NIN: variants seen among roughly 807,000 people sequenced by gnomAD.
NIN encodes ninein, also known as glycogen synthase kinase 3 beta-interacting protein.
In NIN, 137 loss-of-function variants were observed where a neutral mutation model predicts 257.6. The ratio of observed to expected loss-of-function variants is 0.53; its 90% CI spans 0.46 to 0.61. The LOEUF (loss-of-function observed/expected upper bound fraction) is 0.61. NIN is among the 20% of genes least tolerant of loss of function. The pLI, the probability that NIN is intolerant of heterozygous loss-of-function variation, is 0.00. For synonymous variants in NIN, 918 were observed against 919.8 expected (o/e 1.00, Z 0.04); for missense variants, 2,439 against 2,501.2 (o/e 0.98, Z 0.53).
intron 2 of NIN, among the ~76,000 whole-genome samples, chr14:50,827,573 C>T (rs1356641666): frequency 1.5e-5 from 2 of 134,644 alleles, no homozygotes; most frequent in Non-Finnish European, 3.1e-5. Context: ...CGTTGAAACC[C>T]TGTCTCTACT....
At position 50,722,357 on chromosome 14, in the gene NIN, A is replaced by G; in HGVS notation, c.*1106T>C. On this transcript the variant is annotated 3_prime_UTR_variant, in exon 31 of 31. Coordinates refer to ENST00000530997, the MANE Select transcript of NIN (RefSeq NM_020921.4). ...CAGAAAATTTTGACCTATATTAAAT[A>G]AACTCTTCTATAAGTCAGGTTTTTA... 4.7e-6 allele frequency: 1 copy of G among 214,678 alleles called. No individual in the cohort carries two copies. Among genetic ancestry groups the G allele is most frequent in the Non-Finnish European group, 9.4e-6 (1 of 106,152 alleles). 13.3% of individuals were successfully genotyped at this position (214,678 alleles called of 1,614,324 possible). A position where few individuals can be genotyped will look rare whatever the true frequency, so the allele number is the denominator to read the frequency against.
intron 5 of NIN, among the ~76,000 whole-genome samples, chr14:50,789,106 C>G (rs2043467198): frequency 6.6e-6 from 1 of 152,158 alleles, no homozygotes; most frequent in Non-Finnish European, 1.5e-5. Context: ...CTTATTACTC[C>G]TTATGAAATA....
At chr14:50,731,098 T>C (rs1036247015) in intron 28 of NIN, 4 of 355,918 alleles carry the variant, frequency 1.1e-5, no homozygotes, top group South Asian at 4.6e-5. Flanking sequence ...ATTATATACA[T>C]GAATAAGAGC....
intron 4 of NIN, among the ~76,000 whole-genome samples, chr14:50,803,982 G>A (rs1298659098): frequency 1.3e-5 from 2 of 149,764 alleles, no homozygotes; most frequent in Admixed American, 6.7e-5. Context: ...TGCAACCTCC[G>A]CCTCCTGGAT....
rs1318688285 is a variant in NIN at position 50,748,022 on chromosome 14, A to G, written c.5034T>C (p.Leu1678=). 6.2e-7 allele frequency: 1 copy of G among 1,613,612 alleles called. No individual in the cohort carries two copies. The highest frequency in any genetic ancestry group is 8.5e-7 in the Non-Finnish European group (1 of 1,179,512). The part of the protein sequence containing the change: ...QTHIVQQENH[L]LKDELEKMKQ... ...TCATTTTCTCCAGTTCATCTTTGAG[A>G]AGGTGGTTTTCCTGTTGCACAATAT... Residue 1678 remains leucine (L), a synonymous_variant, in exon 22 of 31, where the codon CTT becomes CTC. Coordinates refer to ENST00000530997, the MANE Select transcript of NIN (RefSeq NM_020921.4).
At position 50,754,563 on chromosome 14, in the gene NIN, C is replaced by T. The variant is rs1052004263; in HGVS notation, c.4734G>A (p.Gln1578=). ...TGAGAAATATTAAGTATTTCCTTACCTGTTTCTTTAAATTTTCAACCATCT... is the reference window on the plus strand; with the variant it reads ...TGAGAAATATTAAGTATTTCCTTACTTGTTTCTTTAAATTTTCAACCATCT... The part of the protein sequence containing the change: ...VQKMVENLKK[Q]ISELKIKNQQ... The change falls in exon 20 of 31, where the codon CAG becomes CAA. Residue 1578 remains glutamine, a splice_region_variant and synonymous_variant. Coordinates refer to ENST00000530997, the MANE Select transcript of NIN (RefSeq NM_020921.4). 2.5e-6 allele frequency: 4 copies of T among 1,598,636 alleles called. No individual in the cohort carries two copies. The highest frequency in any genetic ancestry group is 3.4e-6 in the Non-Finnish European group (4 of 1,173,964).
intron 12 of NIN, among the ~76,000 whole-genome samples, chr14:50,767,613 C>A (rs61985510): frequency 2.0e-5 from 3 of 151,928 alleles, no homozygotes; most frequent in Non-Finnish European, 4.4e-5. Context: ...GTCAGGAGAT[C>A]GAGACCATCC....
intron 26 of NIN, among the ~76,000 whole-genome samples, chr14:50,738,944 G>A (rs753387771): frequency 5.3e-5 from 8 of 151,958 alleles, no homozygotes; most frequent in Non-Finnish European, 1.2e-4. Context: ...TTTTTCTCTC[G>A]TGAGGAGTTA....
intron 16 of NIN, among the ~76,000 whole-genome samples, 160 bp from the exon 17 acceptor site, chr14:50,760,519 A>C (rs1007417243): frequency 2.0e-5 from 3 of 151,448 alleles, no homozygotes; most frequent in Admixed American, 1.3e-4. Flanking sequence ...CAACACTTTA[A>C]GCAAGATACT....
At chr14:50,749,674 C>A (rs1327045461) in intron 21 of NIN, among the ~76,000 whole-genome samples, 1 of 151,812 alleles carries the variant, frequency 6.6e-6, no homozygotes, top group Non-Finnish European at 1.5e-5. Context: ...TCAATATGGA[C>A]TCATTTATTT....
intron 2 of NIN, among the ~76,000 whole-genome samples, chr14:50,822,369 T>C (rs1219731429): frequency 1.3e-5 from 2 of 152,332 alleles, no homozygotes; most frequent in South Asian, 2.1e-4. Flanking sequence ...CCCTCCTCTC[T>C]TGCCTGGTTC....
intron 2 of NIN, chr14:50,823,483 G>A: frequency 3.7e-6 from 1 of 268,198 alleles, no homozygotes; most frequent in South Asian, 3.8e-5. Flanking sequence ...AGCCAGAACT[G>A]AAAATAAAAG....
At chr14:50,729,751 A>G in intron 28 of NIN, 28 bp from the exon 29 acceptor site, 1 of 1,532,224 alleles carries the variant, frequency 6.5e-7, no homozygotes, top group Non-Finnish European at 8.8e-7. Flanking sequence ...AGCCCTGTTC[A>G]GCTGAGTCCC....
chr14:50,830,633 G>A (rs369713890), intron 1 of NIN, 116 bp from the exon 2 acceptor site: 1 of 167,002 alleles, frequency 6.0e-6, no homozygotes, highest in African/African-American at 2.4e-5. Flanking sequence ...GGACCCGCGT[G>A]AGCGTCATTT....
chr14:50,720,541 T>C lies in NIN; in HGVS notation c.*2922A>G, dbSNP rs2040251255. On this transcript the variant is annotated 3_prime_UTR_variant, in exon 31 of 31. Coordinates refer to ENST00000530997, the MANE Select transcript of NIN (RefSeq NM_020921.4). ...TCTCTTCCTATGCCTTGGAAGCCTA[T>C]GACTTCATGATCTATTCATGAAAAA... 4.8e-6 allele frequency: 1 copy of C among 209,212 alleles called. No homozygotes were observed. Among genetic ancestry groups the C allele is most frequent in the Non-Finnish European group, 9.8e-6 (1 of 102,454 alleles). The allele number at this position is 209,212 out of a possible 1,614,324, so 13.0% of individuals were successfully genotyped here.
intron 25 of NIN, among the ~76,000 whole-genome samples, chr14:50,740,403 C>CA (rs1566789714): frequency 1.3e-5 from 2 of 151,558 alleles, no homozygotes; most frequent in Non-Finnish European, 2.9e-5. Flanking sequence ...GGCTGGAGTG[C>CA]AGTGGCACGA....
rs1440860940 is a variant in NIN at position 50,738,185 on chromosome 14, TCTCTTTAAG to T, written c.5721_5729del (p.Ser1907_Lys1909del). 5 of 1,614,032 alleles carry T rather than the reference TCTCTTTAAG, an allele frequency of 3.1e-6. No individual in the cohort carries two copies. In the African/African-American group the frequency reaches 5.3e-5, roughly 17 times the overall value. On this transcript the variant is annotated inframe_deletion, in exon 27 of 31. Transcript: ENST00000530997. Reference sequence around the variant, plus strand: ...GTTCTTTCTGAAACTGATCACACTCTCTCTTTAAGCTCAATTTTTCTTGCTCTGTGGGAT... The same window carrying T: ...GTTCTTTCTGAAACTGATCACACTCTCTCAATTTTTCTTGCTCTGTGGGAT...
chr14:50,831,052 C>T lies in NIN; in HGVS notation c.-122G>A, dbSNP rs1330188681. The T allele has an allele frequency of 6.6e-6, 1 of 150,520 alleles. No individual in the cohort carries two copies. Among genetic ancestry groups the T allele is most frequent in the Non-Finnish European group, 1.5e-5 (1 of 67,568 alleles). 9.3% of individuals were successfully genotyped at this position (150,520 alleles called of 1,614,324 possible). A position where few individuals can be genotyped will look rare whatever the true frequency, so the allele number is the denominator to read the frequency against. ...CCGGCGCCGCCGCGGGAACCATGGC[C>T]GCTGGCGCACTCCGGGCTTGGCGGC... On this transcript the variant is annotated 5_prime_UTR_variant, in exon 1 of 31. Coordinates refer to ENST00000530997, the MANE Select transcript of NIN (RefSeq NM_020921.4).
intron 3 of NIN, among the ~76,000 whole-genome samples, chr14:50,816,869 T>G (rs1396131038): frequency 6.6e-5 from 10 of 152,118 alleles, no homozygotes; most frequent in Admixed American, 6.5e-4. Context: ...AGCTCTCCCC[T>G]CTCGATCCCT....
Sources: allele counts gnomAD v4.1 joint callset (sites outside exome capture counted in the v4.1 genomes callset), GRCh38; gene constraint gnomAD v4.1.1; transcripts MANE v1.5; gene names NCBI Gene and HGNC (gene_info 2026-07-23, HGNC 2026-07-21).